Variants in FRMPD4 observed in about 807,000 individuals in gnomAD.
FRMPD4 encodes the protein FERM and PDZ domain containing 4.
Under a neutral mutation model 94.1 loss-of-function variants are expected in FRMPD4, and 22 were observed. The ratio of observed to expected loss-of-function variants is 0.23; its 90% CI spans 0.17 to 0.33. The LOEUF is 0.33. Ranked by LOEUF, FRMPD4 falls within the 10% of genes least tolerant of loss-of-function variation. The pLI is 1.00. For synonymous variants in FRMPD4, 631 were observed against 548.6 expected, an observed-to-expected ratio of 1.15 and a Z score of -2.10; for missense variants, 1,111 against 1,339.9, an observed-to-expected ratio of 0.83 and a Z score of 2.67.
At chrX:12,695,810 C>T (rs2060122926) in intron 9 of FRMPD4, among the ~76,000 whole-genome samples, 1 of 111,286 alleles carries the variant, frequency 9.0e-6, no homozygotes, top group Admixed American at 9.5e-5. Flanking sequence ...TGCCTTGGCT[C>T]ACCGCAACCT....
Position 11,935,269 on chromosome X carries a change from GTTTTTT to G in FRMPD4, c.95+57273_95+57278del, listed in dbSNP as rs1234166611. Among the ~76,000 whole-genome samples the G allele has an allele frequency of 1.0e-3, 5 of 5,009 alleles. 1 individual carries two copies. The highest frequency in any genetic ancestry group is 2.6e-3 in the African/African-American group (3 of 1,140). The allele number at this position is 5,009 out of a possible 115,157, so 4.3% of individuals were successfully genotyped here. A position where few individuals can be genotyped will look rare whatever the true frequency, so the allele number is the denominator to read the frequency against. ...TTGTTGTTTTTTTTTTTTTTAATGT[GTTTTTT>G]TTTTTTTTTTTTTTTTTTTTTATTA... is the stretch of plus-strand genomic sequence containing the variant. On this transcript the variant is annotated intron_variant, in intron 3 of 18. Transcript: ENST00000640291.
At chrX:12,376,833 T>C (rs2056245372) in intron 1 of FRMPD4, among the ~76,000 whole-genome samples, 1 of 112,951 alleles carries the variant, frequency 8.9e-6, no homozygotes, top group Admixed American at 9.3e-5. Flanking sequence ...GCATAAGCCC[T>C]GGTTAAAGTG....
chrX:11,993,094 A>G, intron 3 of FRMPD4, among the ~76,000 whole-genome samples: 1 of 109,718 alleles, frequency 9.1e-6, no homozygotes. Context: ...TCTGTTTACC[A>G]AACACCTTTT....
intron 13 of FRMPD4, among the ~76,000 whole-genome samples, chrX:12,710,130 A>G (rs917940161): frequency 3.8e-5 from 3 of 78,253 alleles, no homozygotes; most frequent in Non-Finnish European, 7.7e-5. Flanking sequence ...CCTGTCTCAA[A>G]TATAGATAGA....
At chrX:12,166,519 T>G (rs758597064) in intron 1 of FRMPD4, among the ~76,000 whole-genome samples, 40 of 111,513 alleles carry the variant, frequency 3.6e-4, no homozygotes, top group African/African-American at 1.1e-3. Context: ...TCTCTTTTTT[T>G]GTTGTGTCTC....
At chrX:12,707,412 G>C in intron 12 of FRMPD4, 57 bp from the exon 13 acceptor site, 1 of 901,898 alleles carries the variant, frequency 1.1e-6, no homozygotes, top group Non-Finnish European at 1.6e-6. Context: ...ATAGGTTCAA[G>C]TTGGCATAGC....
At chrX:12,289,579 T>C (rs1170150156) in intron 1 of FRMPD4, among the ~76,000 whole-genome samples, 1 of 111,594 alleles carries the variant, frequency 9.0e-6, no homozygotes, top group African/African-American at 3.3e-5. Flanking sequence ...CAGTCTTGCC[T>C]TTTTTTAATT....
intron 1 of FRMPD4, among the ~76,000 whole-genome samples, chrX:12,418,010 A>C (rs774704136): frequency 0.011 from 1,220 of 108,521 alleles, 24 homozygotes; most frequent in African/African-American, 0.038. Context: ...AAAAAAAAAA[A>C]AACAAACAAC....
rs34874624 is a variant in FRMPD4 at position 12,294,485 on chromosome X, C to CACACAG, written c.41+155474_41+155475insCACAGA. Among the ~76,000 whole-genome samples, 12 of 92,096 alleles carry CACACAG rather than the reference C, an allele frequency of 1.3e-4. No homozygotes were observed. The East Asian group carries it at 1.8e-3, about 14-fold the overall frequency. 80.0% of individuals were successfully genotyped at this position (92,096 alleles called of 115,157 possible). A position where few individuals can be genotyped will look rare whatever the true frequency, so the allele number is the denominator to read the frequency against. The stretch of plus-strand genomic sequence containing the variant: ...ATAACTGTACACACACACACACACA[C>CACACAG]AGAGAGAGAGAGAGAGAGAGTTTTA... On this transcript the variant is annotated intron_variant, in intron 1 of 16. Coordinates refer to ENST00000675598, the MANE Select transcript of FRMPD4 (RefSeq NM_001368397.1).
intron 3 of FRMPD4, among the ~76,000 whole-genome samples, chrX:12,074,771 G>C (rs1380015485): frequency 2.7e-5 from 3 of 112,600 alleles, no homozygotes; most frequent in Non-Finnish European, 5.6e-5. Context: ...CATTTGCTCT[G>C]TGTGGATCTT....
At chrX:12,124,672 C>A (rs2055484911) in intron 3 of FRMPD4, among the ~76,000 whole-genome samples, 1 of 111,658 alleles carries the variant, frequency 9.0e-6, no homozygotes, top group Non-Finnish European at 1.9e-5. Context: ...TATTAAAAAT[C>A]TTTCAAATAT....
intron 2 of FRMPD4, among the ~76,000 whole-genome samples, chrX:12,519,779 G>A (rs1602062073): frequency 1.8e-5 from 2 of 112,229 alleles, no homozygotes; most frequent in East Asian, 5.6e-4. Context: ...GATGATAAAT[G>A]ACCAACAAAC....
intron 3 of FRMPD4, among the ~76,000 whole-genome samples, chrX:11,980,439 A>G (rs111471155): frequency 0.088 from 9,776 of 110,738 alleles, 363 homozygotes; most frequent in East Asian, 0.25. Context: ...TGTTTTCTAT[A>G]TCATTAACTG....
chrX:12,500,136 G>A (rs975734601), intron 2 of FRMPD4, among the ~76,000 whole-genome samples: 1 of 111,179 alleles, frequency 9.0e-6, no homozygotes, highest in Non-Finnish European at 1.9e-5. Flanking sequence ...AGAAATTCAT[G>A]AAACAGATTT....
chrX:12,529,137 A>C (rs781508932), intron 2 of FRMPD4, among the ~76,000 whole-genome samples: 1 of 112,292 alleles, frequency 8.9e-6, no homozygotes, highest in East Asian at 2.8e-4. Flanking sequence ...ATCTCATTTG[A>C]AAGTTAGATT....
intron 1 of FRMPD4, among the ~76,000 whole-genome samples, chrX:12,456,738 A>G (rs946651018): frequency 4.5e-4 from 51 of 113,303 alleles, no homozygotes; most frequent in African/African-American, 1.6e-3. Flanking sequence ...TTCTGCAAAC[A>G]GGTTTAAACT....
At chrX:12,179,292 C>A (rs1362384808) in intron 1 of FRMPD4, among the ~76,000 whole-genome samples, 1 of 110,752 alleles carries the variant, frequency 9.0e-6, no homozygotes, top group African/African-American at 3.3e-5. Flanking sequence ...ATTGACCGAG[C>A]AATTCAGATG....
chrX:12,613,779 C>A (rs913359533), intron 3 of FRMPD4, among the ~76,000 whole-genome samples: 2 of 111,978 alleles, frequency 1.8e-5, no homozygotes, highest in African/African-American at 6.5e-5. Context: ...AGATCGAAAC[C>A]ATCCTGGCTA....
At chrX:12,356,879 A>G (rs998891641) in intron 1 of FRMPD4, among the ~76,000 whole-genome samples, 3 of 111,911 alleles carry the variant, frequency 2.7e-5, no homozygotes, top group Admixed American at 9.5e-5. Context: ...AAGATACTCT[A>G]TAGATAGTAG....
Sources: gnomAD v4.1 joint callset for allele counts (sites outside exome capture counted in the v4.1 genomes callset) on GRCh38, gnomAD v4.1.1 for gene constraint, MANE v1.5 for transcripts, NCBI Gene and HGNC (gene_info 2026-07-23, HGNC 2026-07-21) for gene names.